PDE4D: variants seen among roughly 807,000 people sequenced by gnomAD.
PDE4D encodes the protein phosphodiesterase 4D.
A neutral mutation model predicts 87.4 loss-of-function variants in PDE4D; 24 were observed. That is an observed-to-expected ratio of 0.27 (90% CI 0.20 to 0.39). The LOEUF (loss-of-function observed/expected upper bound fraction) is 0.39, where lower values mean the gene tolerates loss of function less well. Ranked by LOEUF, PDE4D falls within the 10% of genes least tolerant of loss-of-function variation. The pLI is 1.00. For missense variants in PDE4D, 714 were observed against 1,041.0 expected (o/e 0.69, Z 4.32); for synonymous variants, 384 against 383.2 (o/e 1.00, Z -0.02).
At chr5:59,112,800 TTTC>T (rs1772898738) in intron 5 of PDE4D, among the ~76,000 whole-genome samples, 1 of 113,448 alleles carries the variant, frequency 8.8e-6, no homozygotes, top group Non-Finnish European at 1.8e-5. Context: ...TTCCTTTTTC[TTTC>T]TTTTTTTTTT....
rs117904298 is a variant in PDE4D at position 59,772,213 on chromosome 5, A to G, written c.455+120955T>C. Among the ~76,000 whole-genome samples, 55 of 152,278 alleles carry G rather than the reference A, an allele frequency of 3.6e-4. 2 individuals are homozygous for G. The East Asian group carries it at 0.01, about 28-fold the overall frequency. On this transcript the variant is annotated intron_variant, in intron 1 of 14. Transcript: ENST00000340635. ...TTGGACAGACTGGCAATTTTTTCTT[A>G]TGTTAAGGCAGAGGGTCAGAGGGTG... is the stretch of plus-strand genomic sequence containing the variant.
At chr5:60,096,512 C>A (rs1220387576) in intron 2 of PDE4D, among the ~76,000 whole-genome samples, 1 of 152,068 alleles carries the variant, frequency 6.6e-6, no homozygotes, top group African/African-American at 2.4e-5. Context: ...ATTATAAAGA[C>A]AACTTGTTTG....
chr5:60,066,225 A>T (rs1276947621), intron 2 of PDE4D, among the ~76,000 whole-genome samples: 1 of 152,034 alleles, frequency 6.6e-6, no homozygotes, highest in Non-Finnish European at 1.5e-5. Context: ...TGGCTGCATA[A>T]ATGTCTTCTT....
intron 5 of PDE4D, among the ~76,000 whole-genome samples, chr5:59,163,784 AGTT>A (rs1031429198): frequency 3.9e-5 from 6 of 152,168 alleles, no homozygotes; most frequent in Non-Finnish European, 7.3e-5. Flanking sequence ...TAAAGGAAAT[AGTT>A]GTTATGAGCA....
rs139316655 is a variant in PDE4D, at chr5:59,209,905, G to A, written c.647+5872C>T. Among the ~76,000 whole-genome samples, 173 of 152,280 alleles carry A rather than the reference G, an allele frequency of 1.1e-3. 1 individual carries two copies. The highest frequency in any genetic ancestry group is 3.9e-3 in the African/African-American group (164 of 41,568). ...TTCCAGGTGGTTGACAGATGTTTTC[G>A]TGTTTTTCTTGAACATTTAAAATAA... On this transcript the variant is annotated intron_variant, in intron 2 of 14. Transcript: ENST00000340635.
intron 1 of PDE4D, among the ~76,000 whole-genome samples, chr5:60,232,734 C>T (rs553273095): frequency 2.6e-4 from 40 of 151,978 alleles, no homozygotes; most frequent in South Asian, 1.4e-3. Flanking sequence ...AGAAGCCTTA[C>T]ATCCAGGCTA....
At position 60,178,665 on chromosome 5, in the gene PDE4D, C is replaced by A. The variant is rs553613223; in HGVS notation, c.42+6892G>T. Among the ~76,000 whole-genome samples the A allele has an allele frequency of 4.6e-5, 7 of 152,158 alleles. No homozygotes were observed. In the East Asian group the frequency reaches 1.2e-3, roughly 25 times the overall value. The stretch of plus-strand genomic sequence containing the variant: ...ATTTAATAATATTTTTAAGGACATA[C>A]AATAAGCAGAGATGATGACATTTAA... On this transcript the variant is annotated intron_variant, in intron 2 of 16. Transcript: ENST00000502484.
chr5:60,413,715 A>T (rs35767035), intron 1 of PDE4D, among the ~76,000 whole-genome samples: 37,997 of 144,058 alleles, frequency 0.26, 6,822 homozygotes, highest in African/African-American at 0.52. Flanking sequence ...TTTTTCGTTT[A>T]TTTTTTTTTT....
chr5:59,109,997 G>A (rs1392842187), intron 5 of PDE4D, among the ~76,000 whole-genome samples: 1 of 152,170 alleles, frequency 6.6e-6, no homozygotes, highest in African/African-American at 2.4e-5. Flanking sequence ...CCATCCTCCT[G>A]TGATGATCTC....
At chr5:59,161,714 T>C (rs765330704) in intron 5 of PDE4D, among the ~76,000 whole-genome samples, 1 of 152,204 alleles carries the variant, frequency 6.6e-6, no homozygotes, top group Non-Finnish European at 1.5e-5. Context: ...TCAAATTTTA[T>C]TTTTAGTTTA....
chr5:59,977,695 G>A (rs1761484599), intron 3 of PDE4D, among the ~76,000 whole-genome samples: 1 of 152,168 alleles, frequency 6.6e-6, no homozygotes, highest in South Asian at 2.1e-4. Flanking sequence ...CAGATTTTCA[G>A]TGGAGACAAA....
At chr5:59,195,909 G>T (rs1021281269) in intron 2 of PDE4D, among the ~76,000 whole-genome samples, 5 of 152,118 alleles carry the variant, frequency 3.3e-5, no homozygotes, top group Middle Eastern at 3.2e-3. Flanking sequence ...CGCTAAGAAG[G>T]ACTCTTGAGA....
At chr5:59,065,081 C>T (rs1333025105) in intron 5 of PDE4D, among the ~76,000 whole-genome samples, 10,954 of 52,332 alleles carry the variant, frequency 0.21, 1,474 homozygotes, top group African/African-American at 0.44. Flanking sequence ...CACACACACA[C>T]ACACACACAC....
chr5:60,439,604 T>A (rs411255), intron 1 of PDE4D, among the ~76,000 whole-genome samples: 1 of 152,006 alleles, frequency 6.6e-6, no homozygotes, highest in African/African-American at 2.4e-5. Context: ...ACAACATCCA[T>A]GTAGATGTTT....
At chr5:59,770,454 G>C (rs2152600122) in intron 1 of PDE4D, among the ~76,000 whole-genome samples, 1 of 152,190 alleles carries the variant, frequency 6.6e-6, no homozygotes, top group East Asian at 1.9e-4. Context: ...AGAAAACTCT[G>C]GGTAAAGTTT....
chr5:59,935,026 G>A (rs1035295348), intron 3 of PDE4D, among the ~76,000 whole-genome samples: 1 of 152,152 alleles, frequency 6.6e-6, no homozygotes, highest in African/African-American at 2.4e-5. Context: ...CCTGGTGGTT[G>A]TGGGCAGATG....
At chr5:60,219,394 A>C (rs889109948) in intron 1 of PDE4D, among the ~76,000 whole-genome samples, 2 of 152,160 alleles carry the variant, frequency 1.3e-5, no homozygotes, top group Admixed American at 1.3e-4. Context: ...CTTGTTGAAC[A>C]TAACATTTTA....
chr5:60,357,885 T>C (rs909399706), intron 1 of PDE4D, among the ~76,000 whole-genome samples: 1 of 152,190 alleles, frequency 6.6e-6, no homozygotes, highest in Non-Finnish European at 1.5e-5. Flanking sequence ...GTTATACATA[T>C]TTCACATCTC....
intron 1 of PDE4D, among the ~76,000 whole-genome samples, chr5:59,870,561 C>A (rs910601794): frequency 6.6e-6 from 1 of 152,116 alleles, no homozygotes; most frequent in Non-Finnish European, 1.5e-5. Flanking sequence ...GAATGACTGA[C>A]CACTACATAA....
Sources: allele counts gnomAD v4.1 joint callset (sites outside exome capture counted in the v4.1 genomes callset), GRCh38; gene constraint gnomAD v4.1.1; transcripts MANE v1.5; gene names NCBI Gene and HGNC (gene_info 2026-07-23, HGNC 2026-07-21).